The following DACH2 variants were observed in gnomAD, a reference collection of about 807,000 sequenced individuals.
The protein encoded by DACH2 is dachshund homolog 2.
Under a neutral mutation model 35.8 loss-of-function variants are expected in DACH2, and 17 were observed. The observed-to-expected ratio is 0.48, with a 90% confidence interval of 0.33 to 0.71. DACH2 has a LOEUF of 0.71. Among genes scored for constraint, DACH2 ranks in the 30% least tolerant of loss-of-function variants. DACH2 has a pLI of 0.02. For missense variants in DACH2, 469 were observed against 472.7 expected (o/e 0.99, Z 0.07); for synonymous variants, 195 against 177.3 (o/e 1.10, Z -0.79).
chrX:86,360,546 C>A (rs2148080796), intron 1 of DACH2, among the ~76,000 whole-genome samples: 1 of 111,716 alleles, frequency 9.0e-6, no homozygotes, highest in African/African-American at 3.2e-5. Flanking sequence ...CACACTTTTA[C>A]ATTTTATCAT....
At chrX:86,624,523 C>T (rs140375400) in intron 3 of DACH2, among the ~76,000 whole-genome samples, 3,625 of 111,495 alleles carry the variant, frequency 0.033, 171 homozygotes, top group African/African-American at 0.11. Flanking sequence ...TGGTATAGAT[C>T]ACCTGGAAAT....
At position 86,312,274 on chromosome X, in the gene DACH2, T is replaced by A. The variant is rs1384225523; in HGVS notation, c.489-64550T>A. ...TAACATAAGATTTATTGACTCCATA[T>A]CAGCATTTAAGTATTGTTAACTTTA... On this transcript the variant is annotated intron_variant, in intron 1 of 11. Transcript: ENST00000373125. Among the ~76,000 whole-genome samples the A allele has an allele frequency of 2.0e-4, 23 of 112,373 alleles. No individual in the cohort carries two copies. In the Admixed American group the frequency reaches 2.2e-3, roughly 11 times the overall value.
chrX:86,200,565 C>A (rs1436752509), intron 1 of DACH2, among the ~76,000 whole-genome samples: 5 of 96,760 alleles, frequency 5.2e-5, no homozygotes, highest in Non-Finnish European at 8.3e-5. Flanking sequence ...CTACAAGGAA[C>A]TTTACAAGAA....
chrX:86,479,414 T>G (rs948086819), intron 2 of DACH2, among the ~76,000 whole-genome samples: 3 of 111,324 alleles, frequency 2.7e-5, no homozygotes, highest in Non-Finnish European at 5.7e-5. Flanking sequence ...CCCTGCCCCC[T>G]GTTCCATATC....
rs763374859 is a variant in DACH2, at chrX:86,233,847, G to A, written c.488+84739G>A. 3.6e-5 allele frequency among the ~76,000 whole-genome samples: 4 copies of A among 111,887 alleles called. No individual in the cohort carries two copies. In the East Asian group the frequency reaches 8.5e-4, roughly 24 times the overall value. On this transcript the variant is annotated intron_variant, in intron 1 of 11. Coordinates refer to ENST00000373125, the MANE Select transcript of DACH2 (RefSeq NM_053281.3). The stretch of plus-strand genomic sequence containing the variant: ...ACCCCTGATAAAACCATCAGATCTC[G>A]TGAGACTTATTCACTACCATGAGAA...
At chrX:86,387,811 A>G (rs1405282312) in intron 2 of DACH2, among the ~76,000 whole-genome samples, 2 of 111,886 alleles carry the variant, frequency 1.8e-5, no homozygotes, top group Admixed American at 1.9e-4. Context: ...ATTATTTTCT[A>G]TTTCTCACCA....
chrX:86,535,545 A>G (rs1004916650), intron 3 of DACH2, among the ~76,000 whole-genome samples: 2 of 111,063 alleles, frequency 1.8e-5, no homozygotes, highest in African/African-American at 3.3e-5. Context: ...ACATTAAAAC[A>G]GAGATCTTAA....
intron 2 of DACH2, among the ~76,000 whole-genome samples, chrX:86,429,048 T>C (rs889555675): frequency 3.6e-5 from 4 of 111,454 alleles, no homozygotes; most frequent in Admixed American, 2.9e-4. Flanking sequence ...AGATCTACCC[T>C]GCTCTTCATT....
At chrX:86,177,090 T>C (rs899454161) in intron 1 of DACH2, among the ~76,000 whole-genome samples, 5 of 111,923 alleles carry the variant, frequency 4.5e-5, no homozygotes, top group Non-Finnish European at 9.4e-5. Flanking sequence ...GGGGTATCCA[T>C]CACCTCAAGC....
At chrX:86,423,104 T>G (rs1313751212) in intron 2 of DACH2, among the ~76,000 whole-genome samples, 4 of 111,896 alleles carry the variant, frequency 3.6e-5, no homozygotes, top group Non-Finnish European at 5.7e-5. Flanking sequence ...AAATCTTAGC[T>G]ACTGTAAACA....
chrX:86,696,592 C>T (rs1443642625), intron 5 of DACH2, among the ~76,000 whole-genome samples: 1 of 111,669 alleles, frequency 9.0e-6, no homozygotes, highest in Admixed American at 9.5e-5. Flanking sequence ...TTAAAGCCAT[C>T]AGAGTTTGAG....
Position 86,721,048 on chromosome X carries a change from C to G in DACH2, c.1104+6328C>G, listed in dbSNP as rs183075093. On this transcript the variant is annotated intron_variant, in intron 6 of 11. Coordinates refer to ENST00000373125, the MANE Select transcript of DACH2 (RefSeq NM_053281.3). ...CTGGAGCAGCTGGGACGAAGGGCAC[C>G]AAGTCCCTAGGCTGCACACAGCAGG... 3.5e-4 allele frequency among the ~76,000 whole-genome samples: 39 copies of G among 112,284 alleles called. No individual in the cohort carries two copies. In the East Asian group the frequency reaches 9.4e-3, roughly 27 times the overall value.
At chrX:86,251,261 A>C (rs920492890) in intron 1 of DACH2, among the ~76,000 whole-genome samples, 1 of 111,747 alleles carries the variant, frequency 8.9e-6, no homozygotes, top group African/African-American at 3.2e-5. Flanking sequence ...AAAAGCAGCA[A>C]ATTTCTTCTA....
intron 4 of DACH2, among the ~76,000 whole-genome samples, chrX:86,677,782 G>A (rs1235369232): frequency 1.8e-5 from 2 of 112,056 alleles, no homozygotes; most frequent in Non-Finnish European, 3.8e-5. Context: ...AAAGGCCAGG[G>A]GAGCTAGGCC....
At chrX:86,232,302 T>G (rs1020681377) in intron 1 of DACH2, among the ~76,000 whole-genome samples, 1 of 112,214 alleles carries the variant, frequency 8.9e-6, no homozygotes, top group Non-Finnish European at 1.9e-5. Context: ...GGCAAAGATT[T>G]CATGACAAAG....
At chrX:86,405,273 G>C (rs977600173) in intron 2 of DACH2, among the ~76,000 whole-genome samples, 12 of 111,724 alleles carry the variant, frequency 1.1e-4, no homozygotes, top group Admixed American at 4.7e-4. Flanking sequence ...ACATCATCAG[G>C]CTGCAAATTT....
At chrX:86,763,971 C>T (rs1746972498) in intron 7 of DACH2, among the ~76,000 whole-genome samples, 1 of 111,662 alleles carries the variant, frequency 9.0e-6, no homozygotes, top group Non-Finnish European at 1.9e-5. Context: ...TCTCTGGTTG[C>T]TGTGACCATG....
chrX:86,628,489 G>A (rs1232912296), intron 3 of DACH2, among the ~76,000 whole-genome samples: 1 of 112,115 alleles, frequency 8.9e-6, no homozygotes, highest in Non-Finnish European at 1.9e-5. Flanking sequence ...TATCCTCGCT[G>A]TTTTCTCAGG....
At chrX:86,514,834 C>G (rs1017334279) in intron 3 of DACH2, among the ~76,000 whole-genome samples, 1 of 111,042 alleles carries the variant, frequency 9.0e-6, no homozygotes, top group Non-Finnish European at 1.9e-5. Context: ...TAAAATGCAT[C>G]CTTGGTATAG....
Sources: gnomAD v4.1 joint callset for allele counts (sites outside exome capture counted in the v4.1 genomes callset) on GRCh38, gnomAD v4.1.1 for gene constraint, MANE v1.5 for transcripts, NCBI Gene and HGNC (gene_info 2026-07-23, HGNC 2026-07-21) for gene names.